Variants in EIF2AK3 observed in about 807,000 individuals in gnomAD.
The protein encoded by EIF2AK3 is eukaryotic translation initiation factor 2 alpha kinase 3.
In EIF2AK3, 50 loss-of-function variants were observed where a neutral mutation model predicts 113.5. The observed-to-expected ratio is 0.44, with a 90% CI of 0.35 to 0.56. EIF2AK3 has a LOEUF of 0.56. Among genes scored for constraint, EIF2AK3 ranks in the 20% least tolerant of loss-of-function variants. The pLI, the probability that EIF2AK3 is intolerant of heterozygous loss-of-function variation, is 0.00. For synonymous variants in EIF2AK3, 448 were observed against 495.4 expected (o/e 0.90, Z 1.27); for missense variants, 1,185 against 1,378.0 (o/e 0.86, Z 2.22).
chr2:88,588,678 C>T, intron 7 of EIF2AK3, 83 bp downstream of exon 7: 1 of 1,389,152 alleles, frequency 7.2e-7, no homozygotes, highest in Middle Eastern at 1.8e-4. Context: ...CTTATCTCTG[C>T]AGTATTCAAA....
At chr2:88,594,227 T>C (rs1674955930) in intron 3 of EIF2AK3, 2 of 152,402 alleles carry the variant, frequency 1.3e-5, no homozygotes, top group South Asian at 4.1e-4. Context: ...CAAGTCTGTA[T>C]ATAAACCGTT....
At position 88,584,638 on chromosome 2, in the gene EIF2AK3, G is replaced by A. The variant is rs1224468015; in HGVS notation, c.1651-1096C>T. ...TCTAGTAAGAGGAGTACAGAGTGTA[G>A]ACATAGGCAGGAAATCTAACTCAGA... is the stretch of plus-strand genomic sequence containing the variant. On this transcript the variant is annotated intron_variant, in intron 9 of 16. Transcript: ENST00000303236. Among the ~76,000 whole-genome samples the A allele has an allele frequency of 3.3e-5, 5 of 151,522 alleles. No individual in the cohort carries two copies. In the East Asian group the frequency reaches 9.7e-4, roughly 29 times the overall value.
chr2:88,560,121 T>G (rs1416083313), intron 15 of EIF2AK3, among the ~76,000 whole-genome samples: 1 of 151,494 alleles, frequency 6.6e-6, no homozygotes, highest in Non-Finnish European at 1.5e-5. Context: ...TGACATTTCC[T>G]TTTTTTTTAA....
chr2:88,561,227 T>G (rs143752952), intron 15 of EIF2AK3, among the ~76,000 whole-genome samples: 6,019 of 151,658 alleles, frequency 0.04, 373 homozygotes, highest in African/African-American at 0.14. Context: ...GTGTTGGGAT[T>G]AGAGGTGTGA....
At position 88,585,792 on chromosome 2, in the gene EIF2AK3, T is replaced by G. The variant is rs1170766579; in HGVS notation, c.1650+49A>C. 5.1e-6 allele frequency: 8 copies of G among 1,572,732 alleles called. No individual in the cohort carries two copies. In the African/African-American group the frequency reaches 9.5e-5, roughly 19 times the overall value. On this transcript the variant is annotated intron_variant, in intron 9 of 16. Transcript: ENST00000303236. ...AGACTGTGATGGGTTGAGAAGCAAA[T>G]AGGAGGTGGGGAAGTGGAAACCAGA...
chr2:88,605,988 A>T (rs1208202804), intron 2 of EIF2AK3, among the ~76,000 whole-genome samples: 1 of 152,236 alleles, frequency 6.6e-6, no homozygotes, highest in Non-Finnish European at 1.5e-5. Flanking sequence ...GTCAGATTGC[A>T]TCCCAAGTGA....
Position 88,557,658 on chromosome 2 carries a change from T to C in EIF2AK3, c.*78A>G. 2 of 1,496,954 alleles carry C rather than the reference T, an allele frequency of 1.3e-6. No homozygotes were observed. Among genetic ancestry groups the C allele is most frequent in the Middle Eastern group, 1.7e-4 (1 of 5,842 alleles). 92.7% of individuals were successfully genotyped at this position (1,496,954 alleles called of 1,614,324 possible). ...GAGCGAAGAACAAACTTTTCAAGTC[T>C]GCAATTTTGGACAGGCATATTCTAA... On this transcript the variant is annotated 3_prime_UTR_variant, in exon 17 of 17. Transcript: ENST00000303236.
In EIF2AK3 at chr2:88,590,968, C is replaced by A; in HGVS notation, c.852G>T (p.Lys284Asn). ...TRAGFIESTF[K>N]PNENTEESKI... Reference sequence around the variant, plus strand: ...TAGACTCTTCTGTGTTCTCATTGGGCTTAAAGGTGCTTTCAATAAATCCGG... The same window carrying A: ...TAGACTCTTCTGTGTTCTCATTGGGATTAAAGGTGCTTTCAATAAATCCGG... Residue 284 changes from lysine to asparagine, a missense_variant, in exon 5 of 17, where the codon AAG (lysine) becomes AAT (asparagine). By Grantham distance (94) the Lys-to-Asn change is moderately conservative. This residue lies in a region of EIF2AK3 where 877 missense variants were observed against 1,024.2 expected (regional missense o/e 0.86). Coordinates refer to ENST00000303236, the MANE Select transcript of EIF2AK3 (RefSeq NM_004836.7). 6.2e-7 allele frequency: 1 copy of A among 1,614,082 alleles called. No homozygotes were observed. Among genetic ancestry groups the A allele is most frequent in the Non-Finnish European group, 8.5e-7 (1 of 1,179,978 alleles).
At chr2:88,569,241 G>A (rs752721306) in intron 14 of EIF2AK3, among the ~76,000 whole-genome samples, 35 of 151,784 alleles carry the variant, frequency 2.3e-4, no homozygotes, top group Non-Finnish European at 4.1e-4. Flanking sequence ...GGTAGCTCAC[G>A]CCTGTGATCC....
intron 2 of EIF2AK3, among the ~76,000 whole-genome samples, chr2:88,607,556 T>C (rs1256063071): frequency 6.6e-6 from 1 of 152,206 alleles, no homozygotes; most frequent in Non-Finnish European, 1.5e-5. Flanking sequence ...ACACAATTCA[T>C]ACAATTCATT....
chr2:88,581,214 A>T (rs982954032), intron 10 of EIF2AK3, among the ~76,000 whole-genome samples: 8 of 124,084 alleles, frequency 6.4e-5, no homozygotes, highest in African/African-American at 1.2e-4. Flanking sequence ...CTCCCATATT[A>T]AAAAAAAAAA....
chr2:88,595,280 C>T (rs908585571), intron 3 of EIF2AK3, among the ~76,000 whole-genome samples, 189 bp downstream of exon 3: 4 of 151,294 alleles, frequency 2.6e-5, no homozygotes, highest in African/African-American at 9.7e-5. Context: ...TCCTGCTATT[C>T]CTGGCTCTGC....
chr2:88,599,364 AC>A (rs1675098727), intron 2 of EIF2AK3, among the ~76,000 whole-genome samples: 1 of 152,022 alleles, frequency 6.6e-6, no homozygotes, highest in Non-Finnish European at 1.5e-5. Flanking sequence ...AAAAATTAAA[AC>A]CTTTATTTTT....
rs1204800330 is a variant in EIF2AK3, at chr2:88,613,853, C to A, written c.309G>T (p.Arg103Ser). The stretch of plus-strand genomic sequence containing the variant: ...CTAAAGTGCTGATAATTACTAATGA[C>A]CTGTAAATATTAAAAATATTTTTAA... ...DDETELRPRG[R>S]SLVIISTLDG... Residue 103 changes from arginine (R) to serine (S), a missense_variant and splice_region_variant, in exon 2 of 17, where the codon AGG becomes AGT. This residue lies in a region of EIF2AK3 where 189 missense variants were observed against 175.2 expected (regional missense o/e 1.08). Transcript: ENST00000303236. The A allele has an allele frequency of 6.2e-7, 1 of 1,609,320 alleles. No homozygotes were observed. The highest frequency in any genetic ancestry group is 8.5e-7 in the Non-Finnish European group (1 of 1,176,694).
chr2:88,576,678 G>A lies in EIF2AK3; in HGVS notation c.1912C>T (p.Arg638Ter). 6.2e-7 allele frequency: 1 copy of A among 1,613,968 alleles called. No homozygotes were observed. The highest frequency in any genetic ancestry group is 8.5e-7 in the Non-Finnish European group (1 of 1,179,996). The change falls in exon 12 of 17, where the codon CGA (arginine) becomes TGA (stop). Residue 638 changes from arginine to a stop codon, truncating the protein, a stop_gained. Transcript: ENST00000303236. LOFTEE classifies it high-confidence loss of function. ...NRELAREKVM[R>*]EVKALAKLEH... ...AGCTTGGCTAAGGCTTTAACTTCTC[G>A]CATTACCTTTTCCCGAGCCAATTCC...
chr2:88,594,036 A>C, intron 3 of EIF2AK3: 3 of 795,196 alleles, frequency 3.8e-6, no homozygotes, highest in Non-Finnish European at 4.6e-6. Context: ...TTGCTCAAAA[A>C]ACGGCCAGAT....
intron 1 of EIF2AK3, among the ~76,000 whole-genome samples, chr2:88,615,126 A>G (rs1475030619): frequency 6.6e-6 from 1 of 152,156 alleles, no homozygotes; most frequent in Non-Finnish European, 1.5e-5. Context: ...GTTTCCCCCT[A>G]CCACCTCTAT....
chr2:88,570,016 A>AT lies in EIF2AK3; in HGVS notation c.2985+857dup, dbSNP rs933923168. ...AAAAATGTAAACAAATGTCACTCTA[A>AT]TTTTTTTTTTTTGCAGGGGAATTGG... is the stretch of plus-strand genomic sequence containing the variant. On this transcript the variant is annotated intron_variant, in intron 14 of 16. Coordinates refer to ENST00000303236, the MANE Select transcript of EIF2AK3 (RefSeq NM_004836.7). 5.1e-3 allele frequency among the ~76,000 whole-genome samples: 736 copies of AT among 145,052 alleles called. 11 individuals carry two copies. Among genetic ancestry groups the AT allele is most frequent in the Admixed American group, 0.034 (501 of 14,526 alleles).
Position 88,627,291 on chromosome 2 carries a change from G to T in EIF2AK3, c.-17C>A, listed in dbSNP as rs755314163. 3 of 1,481,276 alleles carry T rather than the reference G, an allele frequency of 2.0e-6. No homozygotes were observed. Among genetic ancestry groups the T allele is most frequent in the South Asian group, 2.5e-5 (2 of 79,386 alleles). 91.8% of individuals were successfully genotyped at this position (1,481,276 alleles called of 1,614,324 possible). ...GCGCTCCATCAGCGTCCCGCCCCGC[G>T]CGCAGGCATGGAGGCGCAGCCACTG... On this transcript the variant is annotated 5_prime_UTR_variant, in exon 1 of 17. Coordinates refer to ENST00000303236, the MANE Select transcript of EIF2AK3 (RefSeq NM_004836.7).
Sources: allele counts gnomAD v4.1 joint callset (sites outside exome capture counted in the v4.1 genomes callset), GRCh38; gene constraint gnomAD v4.1.1; regional missense constraint gnomAD v4.1.1; transcripts MANE v1.5; gene names NCBI Gene and HGNC (gene_info 2026-07-23, HGNC 2026-07-21).